CSMD1: variants seen among roughly 807,000 people sequenced by gnomAD.
CSMD1 encodes CUB and Sushi multiple domains 1, also known as CUB and sushi domain-containing protein 1.
CSMD1 carries 213 observed loss-of-function variants against 417.5 expected under a neutral mutation model. The ratio of observed to expected loss-of-function variants is 0.51; its 90% CI spans 0.46 to 0.57. The LOEUF (loss-of-function observed/expected upper bound fraction) is 0.57, where lower values mean the gene tolerates loss of function less well. Among genes scored for constraint, CSMD1 ranks in the 20% least tolerant of loss-of-function variants. CSMD1 has a pLI of 0.00. For synonymous variants in CSMD1, 2,862 were observed against 1,736.8 expected, an observed-to-expected ratio of 1.65 and a Z score of -16.11; for missense variants, 6,923 against 4,529.7, an observed-to-expected ratio of 1.53 and a Z score of -15.17.
Position 4,719,417 on chromosome 8 carries a change from T to G in CSMD1, c.86-81859A>C, listed in dbSNP as rs559303095. On this transcript the variant is annotated intron_variant, in intron 1 of 69. Transcript: ENST00000635120. ...CCTGCCCTATAATTCTCTGTTGCATTAAAAGCATCATTATAAGTCTCAGGC... is the reference window on the plus strand; with the variant it reads ...CCTGCCCTATAATTCTCTGTTGCATGAAAAGCATCATTATAAGTCTCAGGC... 7.2e-5 allele frequency among the ~76,000 whole-genome samples: 11 copies of G among 152,276 alleles called. No homozygotes were observed. In the South Asian group the frequency reaches 2.1e-3, roughly 29 times the overall value.
rs368739967 is a variant in CSMD1, at chr8:4,187,731, G to A, written c.416-155632C>T. Among the ~76,000 whole-genome samples, 5 of 145,702 alleles carry A rather than the reference G, an allele frequency of 3.4e-5. No individual in the cohort carries two copies. In the South Asian group the frequency reaches 8.8e-4, roughly 26 times the overall value. On this transcript the variant is annotated intron_variant, in intron 3 of 69. Transcript: ENST00000635120. The stretch of plus-strand genomic sequence containing the variant: ...GTTTATTCTAGTTAGTGTACATTAA[G>A]GCACCATAAATGAACACTCAGAGAA...
At chr8:3,806,227 T>C (rs1255551671) in intron 5 of CSMD1, among the ~76,000 whole-genome samples, 1 of 152,168 alleles carries the variant, frequency 6.6e-6, no homozygotes, top group African/African-American at 2.4e-5. Flanking sequence ...TCCTCTCAGA[T>C]TATGGAGTAC....
At chr8:3,850,655 A>G (rs1415581311) in intron 5 of CSMD1, among the ~76,000 whole-genome samples, 1 of 152,176 alleles carries the variant, frequency 6.6e-6, no homozygotes, top group Non-Finnish European at 1.5e-5. Context: ...AGATCGCACC[A>G]CTGCACTCCA....
rs574241957 is a variant in CSMD1, at chr8:4,300,162, CAACAA to C, written c.415+119786_415+119790del. On this transcript the variant is annotated intron_variant, in intron 3 of 69. Transcript: ENST00000635120. ...GCATAGTTATCTTTCATAAAAACAA[CAACAA>C]AACAGACAATTTCCTTTTTGCCTAT... is the stretch of plus-strand genomic sequence containing the variant. Among the ~76,000 whole-genome samples, 393 of 152,248 alleles carry C rather than the reference CAACAA, an allele frequency of 2.6e-3. 2 individuals carry two copies. Among genetic ancestry groups the C allele is most frequent in the African/African-American group, 9.1e-3 (379 of 41,560 alleles).
chr8:3,118,448 A>G lies in CSMD1; in HGVS notation c.6381T>C (p.Cys2127=). ...YILIGHPVLT[C]QHGINRNWNY... is the part of the protein sequence containing the mutation. ...TCCAGTTTCTGTTGATCCCATGCTG[A>G]CAAGTGAGGACAGGATGGCCTATTA... is the stretch of plus-strand genomic sequence containing the variant. The change falls in exon 42 of 70, where the codon TGT becomes TGC. Residue 2127 remains cysteine, a synonymous_variant. Coordinates refer to ENST00000635120, the MANE Select transcript of CSMD1 (RefSeq NM_033225.6). 1 of 1,613,864 alleles carries G rather than the reference A, an allele frequency of 6.2e-7. No homozygotes were observed. Among genetic ancestry groups the G allele is most frequent in the Non-Finnish European group, 8.5e-7 (1 of 1,179,812 alleles).
chr8:4,177,415 G>C (rs1466915246), intron 3 of CSMD1, among the ~76,000 whole-genome samples: 1 of 151,774 alleles, frequency 6.6e-6, no homozygotes, highest in East Asian at 1.9e-4. Context: ...AGAATCTCTG[G>C]GGCACATTCA....
chr8:3,775,932 T>A (rs1798864826), intron 5 of CSMD1, among the ~76,000 whole-genome samples: 1 of 152,206 alleles, frequency 6.6e-6, no homozygotes, highest in African/African-American at 2.4e-5. Context: ...TGGATGTGAA[T>A]GCCACCTATA....
At chr8:3,849,154 T>A (rs1175670010) in intron 5 of CSMD1, among the ~76,000 whole-genome samples, 1 of 152,036 alleles carries the variant, frequency 6.6e-6, no homozygotes, top group African/African-American at 2.4e-5. Context: ...TAAATGGAGG[T>A]GTCTTAAACG....
chr8:4,495,568 C>T (rs888210619), intron 2 of CSMD1, among the ~76,000 whole-genome samples: 1 of 144,910 alleles, frequency 6.9e-6, no homozygotes. Context: ...GAGCAAGACT[C>T]CATCTCAGAA....
At chr8:3,814,704 C>T (rs914634364) in intron 5 of CSMD1, among the ~76,000 whole-genome samples, 6 of 152,124 alleles carry the variant, frequency 3.9e-5, no homozygotes, top group Admixed American at 2.6e-4. Flanking sequence ...CTCTGGTGAT[C>T]GCTGATTCTG....
intron 15 of CSMD1, among the ~76,000 whole-genome samples, chr8:3,404,318 G>C (rs1035906828): frequency 1.5e-5 from 2 of 136,564 alleles, no homozygotes; most frequent in Non-Finnish European, 3.1e-5. Context: ...CTGGGTGACA[G>C]AGCCAGACGC....
rs148495038 is a variant in CSMD1, at chr8:4,666,652, A to G, written c.86-29094T>C. ...TATATAAGCAACAGGAAAATAGTAA[A>G]TAATCCATAACTGTAATTAAACAAA... On this transcript the variant is annotated intron_variant, in intron 1 of 69. Coordinates refer to ENST00000635120, the MANE Select transcript of CSMD1 (RefSeq NM_033225.6). Among the ~76,000 whole-genome samples the G allele has an allele frequency of 7.7e-3, 1,170 of 152,324 alleles. 14 individuals are homozygous for G. The highest frequency in any genetic ancestry group is 0.025 in the African/African-American group (1,060 of 41,572).
intron 9 of CSMD1, among the ~76,000 whole-genome samples, chr8:3,578,605 A>T (rs1800250939): frequency 6.6e-6 from 1 of 152,226 alleles, no homozygotes; most frequent in African/African-American, 2.4e-5. Context: ...GTTCTGACTC[A>T]GAAACATAGA....
chr8:4,454,924 T>A (rs1799378309), intron 2 of CSMD1, among the ~76,000 whole-genome samples: 1 of 152,144 alleles, frequency 6.6e-6, no homozygotes. Flanking sequence ...CAAACACATC[T>A]CACTCCAGAC....
chr8:4,312,230 C>T (rs146875858), intron 3 of CSMD1, among the ~76,000 whole-genome samples: 2,035 of 151,782 alleles, frequency 0.013, 47 homozygotes, highest in African/African-American at 0.047. Context: ...GCATAGATAG[C>T]GTAACTGATC....
intron 12 of CSMD1, among the ~76,000 whole-genome samples, chr8:3,434,782 AAC>A: frequency 6.6e-6 from 1 of 152,318 alleles, no homozygotes; most frequent in East Asian, 1.9e-4. Flanking sequence ...CATCTCCTGG[AAC>A]AGACAGTTCC....
chr8:4,062,792 T>A (rs1439124756), intron 3 of CSMD1, among the ~76,000 whole-genome samples: 2 of 151,628 alleles, frequency 1.3e-5, no homozygotes, highest in African/African-American at 4.8e-5. Context: ...TCAAACCCAG[T>A]ATCTGTCAGC....
At chr8:3,158,633 C>A (rs895590815) in intron 38 of CSMD1, among the ~76,000 whole-genome samples, 2 of 150,034 alleles carry the variant, frequency 1.3e-5, no homozygotes, top group South Asian at 2.1e-4. Flanking sequence ...TCCAGTCTTT[C>A]TCAATGAAAA....
At chr8:3,088,624 C>T (rs910151833) in intron 48 of CSMD1, among the ~76,000 whole-genome samples, 4 of 151,880 alleles carry the variant, frequency 2.6e-5, no homozygotes, top group Admixed American at 2.0e-4. Context: ...CTCTGAAGTA[C>T]CATTTCCTTT....
Sources: allele counts gnomAD v4.1 joint callset (sites outside exome capture counted in the v4.1 genomes callset), GRCh38; gene constraint gnomAD v4.1.1; transcripts MANE v1.5; gene names NCBI Gene and HGNC (gene_info 2026-07-23, HGNC 2026-07-21).